Variants in MFHAS1 observed in about 807,000 individuals in gnomAD.
MFHAS1 encodes multifunctional ROCO family signaling regulator 1.
A neutral mutation model predicts 70.4 loss-of-function variants in MFHAS1; 50 were observed. That is an observed-to-expected ratio of 0.71 (90% CI 0.57 to 0.90). MFHAS1 has a LOEUF of 0.90. Among genes scored for constraint, MFHAS1 ranks in the 40% least tolerant of loss-of-function variants. The pLI is 0.00. For missense variants in MFHAS1, 1,795 were observed against 1,347.6 expected (o/e 1.33, Z -5.20); for synonymous variants, 952 against 620.0 (o/e 1.54, Z -7.96).
intron 1 of MFHAS1, among the ~76,000 whole-genome samples, chr8:8,806,678 G>A (rs950700495): frequency 1.3e-5 from 2 of 152,016 alleles, no homozygotes; most frequent in Non-Finnish European, 2.9e-5. Flanking sequence ...TCCTAGAAAG[G>A]GGCCGGGTCC....
chr8:8,821,203 G>A (rs1806943142), intron 1 of MFHAS1, among the ~76,000 whole-genome samples: 1 of 152,208 alleles, frequency 6.6e-6, no homozygotes, highest in Non-Finnish European at 1.5e-5. Context: ...TGAACTGCCT[G>A]CCGGGGGATT....
At position 8,890,829 on chromosome 8, in the gene MFHAS1, C is replaced by A. The variant is rs1469874567; in HGVS notation, c.2230G>T (p.Asp744Tyr). Residue 744 changes from aspartate to tyrosine, a missense_variant, in exon 1 of 3, where the codon GAT becomes TAT. Asp to Tyr is a radical substitution (Grantham distance 160). Coordinates refer to ENST00000276282, the MANE Select transcript of MFHAS1 (RefSeq NM_004225.3). Reference protein sequence around the residue: ...IDILNVFFQRDPSLLLHKLLL... With the variant: ...IDILNVFFQRYPSLLLHKLLL... The stretch of plus-strand genomic sequence containing the variant: ...AGCTTATGCAGCAGCAAAGAGGGAT[C>A]CCTCTGGAAGAAGACATTGAGGATG... 6.2e-7 allele frequency: 1 copy of A among 1,614,232 alleles called. No homozygotes were observed. Among genetic ancestry groups the A allele is most frequent in the Non-Finnish European group, 8.5e-7 (1 of 1,180,054 alleles).
chr8:8,828,555 G>A (rs1807249918), intron 1 of MFHAS1, among the ~76,000 whole-genome samples: 1 of 152,144 alleles, frequency 6.6e-6, no homozygotes, highest in South Asian at 2.1e-4. Context: ...CCTAGAGCCT[G>A]CAATTCAGTT....
chr8:8,793,173 A>G, intron 2 of MFHAS1, among the ~76,000 whole-genome samples: 1 of 148,822 alleles, frequency 6.7e-6, no homozygotes, highest in African/African-American at 2.6e-5. Context: ...CATGTTGTTA[A>G]AACAAAAAAA....
rs1326632998 is a variant in MFHAS1 at position 8,893,539 on chromosome 8, C to A, written c.-481G>T. Reference sequence around the variant, plus strand: ...CTGGGGCGCAGCCGCGGGGAGGGGGCGGCGGCGCCTCCTTGTCTCCGTTTC... The same window carrying A: ...CTGGGGCGCAGCCGCGGGGAGGGGGAGGCGGCGCCTCCTTGTCTCCGTTTC... On this transcript the variant is annotated 5_prime_UTR_variant, in exon 1 of 3. Transcript: ENST00000276282. The A allele has an allele frequency of 6.8e-6, 1 of 146,308 alleles. No homozygotes were observed. Among genetic ancestry groups the A allele is most frequent in the Non-Finnish European group, 1.5e-5 (1 of 65,730 alleles). The allele number at this position is 146,308 out of a possible 1,614,324, so 9.1% of individuals were successfully genotyped here.
At chr8:8,809,628 T>A (rs1005217757) in intron 1 of MFHAS1, among the ~76,000 whole-genome samples, 1 of 152,172 alleles carries the variant, frequency 6.6e-6, no homozygotes, top group Non-Finnish European at 1.5e-5. Context: ...AAAGGAAAAC[T>A]ATTTCCCCTT....
rs1316757006 is a variant in MFHAS1 at position 8,797,374 on chromosome 8, G to A, written c.3116C>T (p.Pro1039Leu). The A allele has an allele frequency of 3.1e-6, 5 of 1,614,032 alleles. No homozygotes were observed. The highest frequency in any genetic ancestry group is 2.2e-5 in the East Asian group (1 of 44,860). The change falls in exon 2 of 3, where the codon CCC (proline) becomes CTC (leucine). Residue 1039 changes from proline to leucine, a missense_variant. Pro to Leu is a moderately conservative substitution (Grantham distance 98). Transcript: ENST00000276282. ...VYPPTPTVISPCSKKNVGEKH... is the reference protein window; with the variant it reads ...VYPPTPTVISLCSKKNVGEKH... ...GACTTTGAGAACTCACTTGGAACAG[G>A]GGCTGATCACAGTCGGCGTGGGTGG...
Position 8,808,236 on chromosome 8 carries a change from C to G in MFHAS1, c.2999-10745G>C, listed in dbSNP as rs527865233. On this transcript the variant is annotated intron_variant, in intron 1 of 2. Coordinates refer to ENST00000276282, the MANE Select transcript of MFHAS1 (RefSeq NM_004225.3). ...TAGACGCTCCCCTGGGAACCCTCCT[C>G]TGCCCAGTGTCCCCACACTGTAGAC... 8.0e-5 allele frequency among the ~76,000 whole-genome samples: 12 copies of G among 149,644 alleles called. No individual in the cohort carries two copies. In the East Asian group the frequency reaches 1.8e-3, roughly 22 times the overall value.
rs1255851461 is a variant in MFHAS1, at chr8:8,880,682, TTG to T, written c.2998+9377_2998+9378del. Among the ~76,000 whole-genome samples, 558 of 124,422 alleles carry T rather than the reference TTG, an allele frequency of 4.5e-3. 8 individuals carry two copies. The highest frequency in any genetic ancestry group is 0.022 in the African/African-American group (546 of 24,980). The allele number at this position is 124,422 out of a possible 152,430, so 81.6% of individuals were successfully genotyped here. On this transcript the variant is annotated intron_variant, in intron 1 of 2. Coordinates refer to ENST00000276282, the MANE Select transcript of MFHAS1 (RefSeq NM_004225.3). ...CTAGGGCAGGACATCCCTTCCTTTTTTGTTTTTTTTTTTTTTCCCCCAGATGG... is the reference window on the plus strand; with the variant it reads ...CTAGGGCAGGACATCCCTTCCTTTTTTTTTTTTTTTTTTTCCCCCAGATGG...
chr8:8,826,046 A>T (rs1807146735), intron 1 of MFHAS1, among the ~76,000 whole-genome samples: 1 of 152,206 alleles, frequency 6.6e-6, no homozygotes, highest in Non-Finnish European at 1.5e-5. Context: ...CTGATAATGG[A>T]TAGTTGTCAG....
chr8:8,802,929 G>C (rs1448772476), intron 1 of MFHAS1, among the ~76,000 whole-genome samples: 3 of 152,214 alleles, frequency 2.0e-5, no homozygotes, highest in South Asian at 2.1e-4. Context: ...TGCTGAACTT[G>C]CAAGAGACTT....
chr8:8,848,017 T>G (rs940187391), intron 1 of MFHAS1, among the ~76,000 whole-genome samples: 1 of 152,204 alleles, frequency 6.6e-6, no homozygotes, highest in East Asian at 1.9e-4. Context: ...ATTTTCCCCA[T>G]CCTAGGATAA....
At chr8:8,834,806 G>T (rs1444753013) in intron 1 of MFHAS1, among the ~76,000 whole-genome samples, 3 of 152,126 alleles carry the variant, frequency 2.0e-5, no homozygotes, top group Non-Finnish European at 2.9e-5. Context: ...CCAGATCTGT[G>T]GTTCCTCAAC....
intron 1 of MFHAS1, among the ~76,000 whole-genome samples, chr8:8,807,140 C>T (rs1470411431): frequency 6.6e-6 from 1 of 152,088 alleles, no homozygotes; most frequent in African/African-American, 2.4e-5. Context: ...GTCCCTCTAA[C>T]CTTGTCTTGT....
chr8:8,843,302 G>A (rs1383480543), intron 1 of MFHAS1, among the ~76,000 whole-genome samples: 1 of 151,594 alleles, frequency 6.6e-6, no homozygotes. Context: ...AGCGAAAGAG[G>A]GCCAGGTGCT....
chr8:8,821,410 A>G (rs887186751), intron 1 of MFHAS1, among the ~76,000 whole-genome samples: 25 of 152,232 alleles, frequency 1.6e-4, no homozygotes, highest in African/African-American at 6.0e-4. Flanking sequence ...AAGATCGAAG[A>G]TCGGCATGGA....
chr8:8,800,638 C>G (rs1806054102), intron 1 of MFHAS1, among the ~76,000 whole-genome samples: 2 of 152,198 alleles, frequency 1.3e-5, no homozygotes, highest in East Asian at 1.9e-4. Context: ...CTGCCCTCAC[C>G]TAGCTCCTTG....
chr8:8,859,604 G>A (rs987615368), intron 1 of MFHAS1, among the ~76,000 whole-genome samples: 1 of 152,126 alleles, frequency 6.6e-6, no homozygotes, highest in African/African-American at 2.4e-5. Context: ...CAAGGATGAA[G>A]ACCTTCACCG....
intron 2 of MFHAS1, among the ~76,000 whole-genome samples, chr8:8,795,205 T>TA (rs200019404): frequency 0.017 from 2,614 of 151,842 alleles, 45 homozygotes; most frequent in Admixed American, 0.064. Context: ...TGCGGGGTAT[T>TA]AAAAAAAAGA....
Sources: allele counts gnomAD v4.1 joint callset (sites outside exome capture counted in the v4.1 genomes callset), GRCh38; gene constraint gnomAD v4.1.1; transcripts MANE v1.5; gene names NCBI Gene and HGNC (gene_info 2026-07-23, HGNC 2026-07-21).